RAVER1: variants seen among roughly 807,000 people sequenced by gnomAD.
RAVER1 encodes ribonucleoprotein, PTB binding 1.
Under a neutral mutation model 68.4 loss-of-function variants are expected in RAVER1, and 36 were observed. The ratio of observed to expected loss-of-function variants is 0.53; its 90% CI spans 0.40 to 0.70. The LOEUF is 0.70. RAVER1 is among the 30% of genes least tolerant of loss of function. RAVER1 has a pLI of 0.00. For missense variants in RAVER1, 933 were observed against 1,019.8 expected, an observed-to-expected ratio of 0.91 and a Z score of 1.16; for synonymous variants, 469 against 472.7, an observed-to-expected ratio of 0.99 and a Z score of 0.10.
chr19:10,321,534 C>A lies in RAVER1; in HGVS notation c.1258G>T (p.Ala420Ser). ...GTGTGGGCAGGGTCTGCGTTACCTG[C>A]AGGCAGCTCCCCGAGGAGGGGGTTG... The part of the protein sequence containing the change: ...PANPLLGELP[A>S]GGGLPPELPP... Residue 420 changes from alanine (A) to serine (S), a missense_variant, in exon 7 of 13, where the codon GCA becomes TCA. Physicochemically the swap from Ala to Ser is moderately conservative, Grantham distance 99 (BLOSUM62 1). Transcript: ENST00000617231. 7.4e-7 allele frequency: 1 copy of A among 1,355,924 alleles called. No individual in the cohort carries two copies. Among genetic ancestry groups the A allele is most frequent in the Non-Finnish European group, 9.6e-7 (1 of 1,045,688 alleles). The allele number at this position is 1,355,924 out of a possible 1,614,324, so 84.0% of individuals were successfully genotyped here.
In RAVER1 at chr19:10,323,366, C is replaced by G. The variant is rs1256001902; in HGVS notation, c.948+9G>C. 1.9e-6 allele frequency: 3 copies of G among 1,605,480 alleles called. No homozygotes were observed. The highest frequency in any genetic ancestry group is 3.4e-5 in the Admixed American group (2 of 58,652). ...CCCCACCCCGCCACCTCTGCCCGCA[C>G]AGGCTCACCGTGGCCTGGGCAGCGA... On this transcript the variant is annotated intron_variant, in intron 4 of 12. Transcript: ENST00000617231. This position sits in a 1 kb window ranked among gnomAD's most constrained non-coding sequence, Gnocchi z 6.2.
In RAVER1 at chr19:10,324,009, G is replaced by A. The variant is rs186139589; in HGVS notation, c.757-443C>T. Among the ~76,000 whole-genome samples the A allele has an allele frequency of 7.1e-3, 1,085 of 152,216 alleles. 13 individuals carry two copies. Among genetic ancestry groups the A allele is most frequent in the African/African-American group, 0.024 (1,005 of 41,542 alleles). The stretch of plus-strand genomic sequence containing the variant: ...ACTAAAAATACAAAATTAGCCAGGC[G>A]TGGTGGCACATGCCTGTATTCCCAG... On this transcript the variant is annotated intron_variant, in intron 3 of 12. Transcript: ENST00000617231.
rs2040487746 is a variant in RAVER1, at chr19:10,328,082, C to G, written c.756+560G>C. Among the ~76,000 whole-genome samples the G allele has an allele frequency of 6.6e-6, 1 of 152,172 alleles. No homozygotes were observed. The highest frequency in any genetic ancestry group is 1.5e-5 in the Non-Finnish European group (1 of 68,036). ...AGCCTCAGTCTCTGACCTCAAGGCT[C>G]AAATAGACTGTGGGCTCCTCTGCAG... On this transcript the variant is annotated intron_variant, in intron 3 of 12. Coordinates refer to ENST00000617231, the MANE Select transcript of RAVER1 (RefSeq NM_133452.3). This position sits in a 1 kb window ranked among gnomAD's most constrained non-coding sequence, Gnocchi z 4.4.
rs2040505717 is a variant in RAVER1, at chr19:10,330,404, T to C, written c.286+56A>G. ...GAGCAGCAGACAGTGAGCCAGGCCCTCCCATCTTCAGGGATGGTCACTCCC... is the reference window on the plus strand; with the variant it reads ...GAGCAGCAGACAGTGAGCCAGGCCCCCCCATCTTCAGGGATGGTCACTCCC... On this transcript the variant is annotated intron_variant, in intron 2 of 12. Coordinates refer to ENST00000617231, the MANE Select transcript of RAVER1 (RefSeq NM_133452.3). 1.8e-5 allele frequency: 15 copies of C among 823,416 alleles called. No homozygotes were observed. In the South Asian group the frequency reaches 1.9e-4, roughly 10 times the overall value. 51.0% of individuals were successfully genotyped at this position (823,416 alleles called of 1,614,324 possible).
intron 1 of RAVER1, among the ~76,000 whole-genome samples, chr19:10,331,767 T>C (rs1284125370): frequency 6.6e-6 from 1 of 151,968 alleles, no homozygotes; most frequent in Admixed American, 6.6e-5. Flanking sequence ...AGATTCACTG[T>C]TTCCAACAAC....
At position 10,317,488 on chromosome 19, in the gene RAVER1, G is replaced by C. The variant is rs1472248343; in HGVS notation, c.2186C>G (p.Ala729Gly). 1.9e-6 allele frequency: 3 copies of C among 1,613,772 alleles called. No homozygotes were observed. Among genetic ancestry groups the C allele is most frequent in the African/African-American group, 2.7e-5 (2 of 75,070 alleles). ...CCTCTTCCGCTTCAGGTAGGAGTCC[G>C]CGTAGTGGCCGCCGAGGCCCTGGGA... ...QHSQGLGGHY[A>G]DSYLKRKRIF is the part of the protein sequence containing the mutation. Residue 729 changes from alanine (A) to glycine (G), a missense_variant, in exon 13 of 13, where the codon GCG becomes GGG. Physicochemically the swap from Ala to Gly is moderately conservative, Grantham distance 60. Around this residue, in one of 3 missense-constraint regions of RAVER1, gnomAD observed 699 missense variants for 731.1 expected, o/e 0.96. Coordinates refer to ENST00000617231, the MANE Select transcript of RAVER1 (RefSeq NM_133452.3). The surrounding 1 kb of genome is among the most constrained non-coding windows in gnomAD (Gnocchi z 4.3).
chr19:10,333,502 C>T lies in RAVER1; in HGVS notation c.6G>A (p.Ala2=), dbSNP rs751713708. The change falls in exon 1 of 13, where the codon GCG becomes GCA. Residue 2 remains alanine, a synonymous_variant. Coordinates refer to ENST00000617231, the MANE Select transcript of RAVER1 (RefSeq NM_133452.3). The surrounding 1 kb of genome is among the most constrained non-coding windows in gnomAD (Gnocchi z 4.2). ...GCCGGTGAGTAACGGACACGTCCGC[C>T]GCCATCTTGGGAAACCCGGCGCCTT... M[A]ADVSVTHRPP... is the part of the protein sequence containing the mutation. 21 of 1,598,184 alleles carry T rather than the reference C, an allele frequency of 1.3e-5. No homozygotes were observed. The highest frequency in any genetic ancestry group is 9.9e-5 in the South Asian group (9 of 90,824).
Position 10,328,669 on chromosome 19 carries a change from T to C in RAVER1, c.729A>G (p.Ser243=). 1 of 1,575,196 alleles carries C rather than the reference T, an allele frequency of 6.3e-7. No homozygotes were observed. Among genetic ancestry groups the C allele is most frequent in the Non-Finnish European group, 8.6e-7 (1 of 1,161,064 alleles). The part of the protein sequence containing the change: ...NDVDALCRAL[S]AVHSPTFCQL... ...GGCAGAAGGTGGGGCTGTGGACAGCTGACAGCGCCCGGCACAGAGCGTCCA... is the reference window on the plus strand; with the variant it reads ...GGCAGAAGGTGGGGCTGTGGACAGCCGACAGCGCCCGGCACAGAGCGTCCA... The change falls in exon 3 of 13, where the codon TCA becomes TCG. Residue 243 remains serine, a synonymous_variant. Transcript: ENST00000617231. The surrounding 1 kb of genome is among the most constrained non-coding windows in gnomAD (Gnocchi z 4.4).
Position 10,321,586 on chromosome 19 carries a change from G to A in RAVER1, c.1206C>T (p.Gly402=), listed in dbSNP as rs377366001. The part of the protein sequence containing the change: ...KPGILGDSPL[G]ALQPGAQPAN... ...CTGGCTGGGCCCCAGGCTGGAGGGCGCCCAGGGGTGAGTCTCCCAGGATGC... is the reference window on the plus strand; with the variant it reads ...CTGGCTGGGCCCCAGGCTGGAGGGCACCCAGGGGTGAGTCTCCCAGGATGC... Residue 402 remains glycine (G), a synonymous_variant, in exon 7 of 13, where the codon GGC becomes GGT. Coordinates refer to ENST00000617231, the MANE Select transcript of RAVER1 (RefSeq NM_133452.3). 1.1e-5 allele frequency: 15 copies of A among 1,397,990 alleles called. No individual in the cohort carries two copies. The highest frequency in any genetic ancestry group is 7.7e-5 in the South Asian group (4 of 52,272). The allele number at this position is 1,397,990 out of a possible 1,614,324, so 86.6% of individuals were successfully genotyped here. A position where few individuals can be genotyped will look rare whatever the true frequency, so the allele number is the denominator to read the frequency against.
intron 7 of RAVER1, 45 bp from the exon 8 acceptor site, chr19:10,321,304 C>T (rs1337772223): frequency 1.9e-6 from 2 of 1,056,434 alleles, no homozygotes; most frequent in Non-Finnish European, 2.5e-6. Context: ...TCACAGGACC[C>T]CTCTCCCCAG....
At chr19:10,331,517 C>T (rs1285052146) in intron 1 of RAVER1, among the ~76,000 whole-genome samples, 1 of 150,346 alleles carries the variant, frequency 6.7e-6, no homozygotes, top group Non-Finnish European at 1.5e-5. Flanking sequence ...GAAACCCCAT[C>T]TCTACTAAAA....
intron 7 of RAVER1, 34 bp from the exon 8 acceptor site, chr19:10,321,293 C>A: frequency 9.1e-7 from 1 of 1,099,164 alleles, no homozygotes; most frequent in Non-Finnish European, 1.2e-6. Context: ...GGGGCCCAGG[C>A]TCACAGGACC....
chr19:10,330,342 A>G (rs998900336), intron 2 of RAVER1, 118 bp downstream of exon 2: 7 of 592,538 alleles, frequency 1.2e-5, no homozygotes, highest in South Asian at 4.1e-5. Context: ...GCAACCTGCC[A>G]TGTTGGCCTG....
At position 10,319,034 on chromosome 19, in the gene RAVER1, G is replaced by A. The variant is rs2040415173; in HGVS notation, c.1845+132C>T. ...CACTCCAGCCTGGGCAACACAGTGA[G>A]ATCCTGTCTTAAAAAAACCCACAAA... On this transcript the variant is annotated intron_variant, in intron 10 of 12. Transcript: ENST00000617231. 3.8e-6 allele frequency: 3 copies of A among 783,256 alleles called. No homozygotes were observed. In the South Asian group the frequency reaches 5.0e-5, roughly 13 times the overall value. 48.5% of individuals were successfully genotyped at this position (783,256 alleles called of 1,614,324 possible).
At chr19:10,325,295 G>C (rs2145076651) in intron 3 of RAVER1, among the ~76,000 whole-genome samples, 1 of 152,188 alleles carries the variant, frequency 6.6e-6, no homozygotes, top group South Asian at 2.1e-4. Context: ...TGGGATCTTG[G>C]CTCACCACAA....
Position 10,322,269 on chromosome 19 carries a change from AGTT to A in RAVER1, c.1173+373_1173+375del. Reference sequence around the variant, plus strand: ...GCACACACTGAGGGGATAGACCTGGAGTTTTTTCCCAGGCATGTCTATAGAGCT... The same window carrying A: ...GCACACACTGAGGGGATAGACCTGGATTTTCCCAGGCATGTCTATAGAGCT... On this transcript the variant is annotated intron_variant, in intron 6 of 12. Coordinates refer to ENST00000617231, the MANE Select transcript of RAVER1 (RefSeq NM_133452.3). The surrounding 1 kb of genome is among the most constrained non-coding windows in gnomAD (Gnocchi z 4.3). 4.0e-6 allele frequency: 1 copy of A among 250,812 alleles called. No individual in the cohort carries two copies. 15.5% of individuals were successfully genotyped at this position (250,812 alleles called of 1,614,324 possible).
At position 10,322,109 on chromosome 19, in the gene RAVER1, ATATG is replaced by A. The variant is rs928767267; in HGVS notation, c.1174-495_1174-492del. The A allele has an allele frequency of 6.2e-6, 1 of 162,516 alleles. No homozygotes were observed. The highest frequency in any genetic ancestry group is 2.4e-5 in the African/African-American group (1 of 41,430). 10.1% of individuals were successfully genotyped at this position (162,516 alleles called of 1,614,324 possible). On this transcript the variant is annotated intron_variant, in intron 6 of 12. Coordinates refer to ENST00000617231, the MANE Select transcript of RAVER1 (RefSeq NM_133452.3). This position sits in a 1 kb window ranked among gnomAD's most constrained non-coding sequence, Gnocchi z 4.3. ...GTGTGCATGAGTCTGTCTTGTGTCT[ATATG>A]TGTGTCTGTGTCTATGTGTGTGTCT...
rs199738113 is a variant in RAVER1, at chr19:10,323,156, C to G, written c.1067G>C (p.Gly356Ala). The G allele has an allele frequency of 8.7e-6, 14 of 1,601,670 alleles. No individual in the cohort carries two copies. Among genetic ancestry groups the G allele is most frequent in the African/African-American group, 6.7e-5 (5 of 74,688 alleles). ...CAGCCCCACCTTACCCTGCTTCCCC[C>G]CCGCACTGCCATGGAGCAGGGGGTT... ...LLNPLLHGSAGGKQGLLGAPP... is the reference protein window; with the variant it reads ...LLNPLLHGSAAGKQGLLGAPP... Residue 356 changes from glycine (G) to alanine (A), a missense_variant, in exon 5 of 13, where the codon GGG becomes GCG. Around this residue, in one of 3 missense-constraint regions of RAVER1, gnomAD observed 699 missense variants for 731.1 expected, o/e 0.96. Coordinates refer to ENST00000617231, the MANE Select transcript of RAVER1 (RefSeq NM_133452.3). The surrounding 1 kb of genome is among the most constrained non-coding windows in gnomAD (Gnocchi z 6.2).
Position 10,321,624 on chromosome 19 carries a change from G to C in RAVER1, c.1174-6C>G. On this transcript the variant is annotated splice_region_variant and splice_polypyrimidine_tract_variant and intron_variant, in intron 6 of 12. Transcript: ENST00000617231. ...TCTCCCAGGATGCCGGGCTTCTAGG[G>C]ACAGAGCACAGACAGTTGCAGATGG... The C allele has an allele frequency of 7.1e-7, 1 of 1,415,650 alleles. No individual in the cohort carries two copies. The highest frequency in any genetic ancestry group is 9.3e-7 in the Non-Finnish European group (1 of 1,080,698). 87.7% of individuals were successfully genotyped at this position (1,415,650 alleles called of 1,614,324 possible).
Sources: gnomAD v4.1 joint callset for allele counts (sites outside exome capture counted in the v4.1 genomes callset) on GRCh38, gnomAD v4.1.1 for gene constraint, gnomAD v4.1.1 regional missense constraint, Gnocchi (gnomAD v3.1) non-coding constraint, MANE v1.5 for transcripts, NCBI Gene and HGNC (gene_info 2026-07-23, HGNC 2026-07-21) for gene names.